OR2L13: variants seen among roughly 807,000 people sequenced by gnomAD.
The protein encoded by OR2L13 is olfactory receptor family 2 subfamily L member 13, also known as olfactory receptor 2L13.
A neutral mutation model predicts 15.3 loss-of-function variants in OR2L13; 14 were observed. The ratio of observed to expected loss-of-function variants is 0.91; its 90% CI spans 0.60 to 1.43. The LOEUF (loss-of-function observed/expected upper bound fraction) is 1.43. Among genes scored for constraint, OR2L13 ranks in the 40% most tolerant of loss-of-function variants. The probability of loss-of-function intolerance (pLI) is 0.00; values close to 1 mark genes in which losing one functional copy is unlikely to be tolerated. For missense variants in OR2L13, 367 were observed against 387.9 expected, an observed-to-expected ratio of 0.95 and a Z score of 0.45; for synonymous variants, 152 against 142.9, an observed-to-expected ratio of 1.06 and a Z score of -0.45.
chr1:247,968,099 A>G, the OR2L13 span, among the ~76,000 whole-genome samples: 3 of 152,138 alleles, frequency 2.0e-5, no homozygotes, highest in African/African-American at 7.2e-5. Flanking sequence ...TAAAAAGCAT[A>G]TATGTGGTGC....
At chr1:247,960,621 T>A in the OR2L13 span, among the ~76,000 whole-genome samples, 2 of 152,114 alleles carry the variant, frequency 1.3e-5, no homozygotes, top group Non-Finnish European at 2.9e-5. Flanking sequence ...TTTTTTTACC[T>A]ACTCAAGCCT....
At chr1:247,941,136 T>TC in the OR2L13 span, among the ~76,000 whole-genome samples, 743 of 152,286 alleles carry the variant, frequency 4.9e-3, 1 homozygote, top group Middle Eastern at 0.01. Context: ...CCCTATATAT[T>TC]CTGGGCATTA....
intron 2 of OR2L13, 94 bp downstream of exon 2, chr1:248,098,869 G>C (rs1056389642): frequency 1.3e-5 from 2 of 153,086 alleles, no homozygotes; most frequent in African/African-American, 4.8e-5. Flanking sequence ...ATTTGGGGTG[G>C]TGTAAAGAGA....
chr1:248,038,500 C>A, the OR2L13 span: 5 of 1,613,900 alleles, frequency 3.1e-6, no homozygotes, highest in Non-Finnish European at 4.2e-6. Context: ...ACCATTGTTC[C>A]AAAGATGGTT....
the OR2L13 span, among the ~76,000 whole-genome samples, chr1:247,994,370 C>T: frequency 1.3e-5 from 2 of 152,038 alleles, no homozygotes; most frequent in African/African-American, 4.8e-5. Flanking sequence ...GCACTCCAGC[C>T]GGGGCGACAG....
At chr1:248,099,544 C>T (rs868631466) in exon 3 of OR2L13, 7 of 1,614,118 alleles carry the variant, frequency 4.3e-6, no homozygotes, top group Non-Finnish European at 5.9e-6. Flanking sequence ...TCTCCACACA[C>T]CGATGTACTT....
At chr1:247,946,156 G>A in the OR2L13 span, among the ~76,000 whole-genome samples, 433 of 152,150 alleles carry the variant, frequency 2.8e-3, 2 homozygotes, top group African/African-American at 9.6e-3. Flanking sequence ...ATTGTTTATT[G>A]TTAGTGTATA....
the OR2L13 span, among the ~76,000 whole-genome samples, chr1:248,081,841 G>A: frequency 6.6e-6 from 1 of 152,044 alleles, no homozygotes; most frequent in Non-Finnish European, 1.5e-5. Flanking sequence ...ATATATTACT[G>A]CTTTGGAAAC....
chr1:248,009,972 A>C, the OR2L13 span, among the ~76,000 whole-genome samples: 38 of 152,294 alleles, frequency 2.5e-4, no homozygotes, highest in African/African-American at 8.4e-4. Flanking sequence ...ACACTCCTGC[A>C]TGCTAAAAAC....
chr1:248,032,831 T>C, the OR2L13 span, among the ~76,000 whole-genome samples: 2 of 152,224 alleles, frequency 1.3e-5, no homozygotes, highest in African/African-American at 4.8e-5. Flanking sequence ...AAGTATGTTT[T>C]TGTGTGTCTT....
the OR2L13 span, among the ~76,000 whole-genome samples, chr1:248,071,487 A>G: frequency 1.3e-5 from 2 of 152,202 alleles, no homozygotes; most frequent in Non-Finnish European, 2.9e-5. Flanking sequence ...CAAAATAATA[A>G]GAGCTGTCTA....
chr1:247,973,866 G>C, the OR2L13 span, among the ~76,000 whole-genome samples: 9 of 152,328 alleles, frequency 5.9e-5, no homozygotes, highest in African/African-American at 2.2e-4. Flanking sequence ...GGGAGACAGT[G>C]TGGCGATTGC....
chr1:248,090,346 G>A (rs1224319921), upstream of OR2L13, among the ~76,000 whole-genome samples: 1 of 147,262 alleles, frequency 6.8e-6, no homozygotes, highest in Non-Finnish European at 1.5e-5. Context: ...TTGTCATACA[G>A]GTAAATTGTA....
the OR2L13 span, chr1:248,061,394 T>G: frequency 2.5e-6 from 4 of 1,614,156 alleles, no homozygotes; most frequent in South Asian, 4.4e-5. Flanking sequence ...AAAGCCTACC[T>G]GACCTGCAGC....
At chr1:247,993,798 A>G in the OR2L13 span, among the ~76,000 whole-genome samples, 1 of 136,994 alleles carries the variant, frequency 7.3e-6, no homozygotes, top group African/African-American at 3.6e-5. Flanking sequence ...AGAGAGAGAG[A>G]GAGAGAGAGA....
rs528434879 is a variant in OR2L13, at chr1:248,099,889, G to T, written c.514G>T (p.Ala172Ser). The T allele has an allele frequency of 1.7e-5, 28 of 1,614,038 alleles. 1 individual carries two copies. In the African/African-American group the frequency reaches 2.3e-4, roughly 13 times the overall value. The change falls in exon 3 of 3, where the codon GCT (alanine) becomes TCT (serine). Residue 172 changes from alanine to serine, a missense_variant. Ala to Ser is a moderately conservative substitution (Grantham distance 99). Coordinates refer to ENST00000641714, the Ensembl canonical transcript of OR2L13. ...TCATATTCCCTACTGCAGGTCTAGG[G>T]CTATTGACCATTTCTTCTGCGATGT...
At chr1:247,952,121 C>T in the OR2L13 span, among the ~76,000 whole-genome samples, 7 of 152,212 alleles carry the variant, frequency 4.6e-5, no homozygotes, top group Non-Finnish European at 1.0e-4. Flanking sequence ...GCTCCTCTAT[C>T]ACATTCATAC....
the OR2L13 span, among the ~76,000 whole-genome samples, chr1:248,053,807 T>C: frequency 6.6e-6 from 1 of 151,986 alleles, no homozygotes; most frequent in Non-Finnish European, 1.5e-5. Flanking sequence ...ATGGGGTTGT[T>C]TGTTCTTTTC....
chr1:247,976,106 A>C, the OR2L13 span, among the ~76,000 whole-genome samples: 4 of 152,174 alleles, frequency 2.6e-5, no homozygotes, highest in Non-Finnish European at 5.9e-5. Context: ...TGATTTATTA[A>C]TAAATTTACC....
Sources: gnomAD v4.1 joint callset for allele counts (sites outside exome capture counted in the v4.1 genomes callset) on GRCh38, gnomAD v4.1.1 for gene constraint, MANE v1.5 for transcripts, NCBI Gene and HGNC (gene_info 2026-07-23, HGNC 2026-07-21) for gene names.